CSMD1: variants seen among roughly 807,000 people sequenced by gnomAD.
CSMD1 encodes the protein CUB and Sushi multiple domains 1, also known as CUB and sushi domain-containing protein 1.
In CSMD1, 213 loss-of-function variants were observed where a neutral mutation model predicts 417.5. The observed-to-expected ratio is 0.51, with a 90% CI of 0.46 to 0.57. The LOEUF is 0.57. CSMD1 is among the 20% of genes least tolerant of loss of function. The pLI is 0.00. For missense variants in CSMD1, 6,923 were observed against 4,529.7 expected (o/e 1.53, Z -15.17); for synonymous variants, 2,862 against 1,736.8 (o/e 1.65, Z -16.11).
chr8:4,772,095 G>A (rs555197274), intron 1 of CSMD1, among the ~76,000 whole-genome samples: 4 of 152,102 alleles, frequency 2.6e-5, no homozygotes, highest in Non-Finnish European at 5.9e-5. Context: ...CAGGCTTGAC[G>A]GGGAATAGGC....
intron 38 of CSMD1, 73 bp from the exon 39 acceptor site, chr8:3,158,039 A>T (rs1050073886): frequency 8.4e-7 from 1 of 1,196,192 alleles, no homozygotes; most frequent in African/African-American, 1.5e-5. Context: ...GTTTGAGAAT[A>T]TCTGCATTTT....
intron 68 of CSMD1, among the ~76,000 whole-genome samples, chr8:2,948,407 T>C (rs1038865414): frequency 6.6e-6 from 1 of 152,038 alleles, no homozygotes; most frequent in Non-Finnish European, 1.5e-5. Flanking sequence ...ATGTTCCTCC[T>C]TTAATCACTA....
At chr8:3,975,456 G>T (rs923569852) in intron 5 of CSMD1, among the ~76,000 whole-genome samples, 1 of 152,004 alleles carries the variant, frequency 6.6e-6, no homozygotes, top group African/African-American at 2.4e-5. Context: ...ATTAGAAAAT[G>T]CACTAATACA....
intron 21 of CSMD1, among the ~76,000 whole-genome samples, chr8:3,355,308 T>C (rs764393298): frequency 6.6e-5 from 10 of 152,192 alleles, no homozygotes; most frequent in South Asian, 6.2e-4. Context: ...AATGATGTCA[T>C]AGATGCAATA....
chr8:3,139,325 G>A (rs913494544), intron 41 of CSMD1, among the ~76,000 whole-genome samples: 5 of 152,098 alleles, frequency 3.3e-5, no homozygotes, highest in African/African-American at 1.2e-4. Context: ...GCTAAAGTCA[G>A]TTAGAAGTGG....
At chr8:3,242,793 GAAA>G (rs1799628547) in intron 26 of CSMD1, among the ~76,000 whole-genome samples, 10 of 147,592 alleles carry the variant, frequency 6.8e-5, no homozygotes, top group African/African-American at 2.0e-4. Context: ...AGACAAGCGG[GAAA>G]GGGGTTGGGG....
intron 1 of CSMD1, among the ~76,000 whole-genome samples, chr8:4,793,192 A>T (rs755756965): frequency 4.6e-5 from 7 of 152,130 alleles, no homozygotes; most frequent in Admixed American, 1.3e-4. Flanking sequence ...AATTATGAGT[A>T]AATAAAAATT....
intron 10 of CSMD1, among the ~76,000 whole-genome samples, chr8:3,528,856 G>A (rs1015687537): frequency 6.6e-6 from 1 of 152,106 alleles, no homozygotes; most frequent in African/African-American, 2.4e-5. Flanking sequence ...CCAACTAAAT[G>A]AGTTTTAATA....
chr8:3,496,845 T>C lies in CSMD1; in HGVS notation c.1345-3119A>G, dbSNP rs758843805. Among the ~76,000 whole-genome samples, 4 of 152,290 alleles carry C rather than the reference T, an allele frequency of 2.6e-5. No homozygotes were observed. In the South Asian group the frequency reaches 6.2e-4, roughly 24 times the overall value. ...ACTCCGTCTCAAAAAAAAAATTATG[T>C]TTAAATTTTGTTCTTAATTTCTTTA... On this transcript the variant is annotated intron_variant, in intron 10 of 69. Coordinates refer to ENST00000635120, the MANE Select transcript of CSMD1 (RefSeq NM_033225.6).
At chr8:4,728,060 G>T (rs924999692) in intron 1 of CSMD1, among the ~76,000 whole-genome samples, 1 of 145,650 alleles carries the variant, frequency 6.9e-6, no homozygotes, top group Non-Finnish European at 1.5e-5. Context: ...TATATAGAGA[G>T]ATGTAGAATG....
intron 7 of CSMD1, among the ~76,000 whole-genome samples, chr8:3,690,680 A>C (rs1190651194): frequency 6.6e-6 from 1 of 152,190 alleles, no homozygotes; most frequent in Admixed American, 6.5e-5. Flanking sequence ...GAGTTGTAGG[A>C]AGGCTGAGAA....
chr8:4,482,658 G>A (rs144841634), intron 2 of CSMD1, among the ~76,000 whole-genome samples: 57 of 152,276 alleles, frequency 3.7e-4, no homozygotes, highest in African/African-American at 1.3e-3. Context: ...TTAGGTCTTT[G>A]AGGAGTTTCC....
chr8:3,587,929 A>G (rs1440287100), intron 8 of CSMD1, among the ~76,000 whole-genome samples: 1 of 152,150 alleles, frequency 6.6e-6, no homozygotes, highest in African/African-American at 2.4e-5. Flanking sequence ...CTAATTTGAA[A>G]TGTGAAAAAT....
At chr8:4,908,249 A>G (rs1012507576) in intron 1 of CSMD1, among the ~76,000 whole-genome samples, 7 of 152,194 alleles carry the variant, frequency 4.6e-5, no homozygotes, top group Non-Finnish European at 1.0e-4. Flanking sequence ...GCTATTCTGT[A>G]GGGTAAAGTA....
At chr8:4,019,800 C>A (rs1324919901) in intron 4 of CSMD1, among the ~76,000 whole-genome samples, 1 of 152,092 alleles carries the variant, frequency 6.6e-6, no homozygotes, top group Non-Finnish European at 1.5e-5. Flanking sequence ...TGACCCACTG[C>A]CACACAGGCC....
At chr8:3,278,651 C>T (rs1165551942) in intron 26 of CSMD1, 3 of 90,476 alleles carry the variant, frequency 3.3e-5, no homozygotes, top group Non-Finnish European at 7.4e-5. Flanking sequence ...GGTAAAGTTC[C>T]TCGTTTTTTT....
chr8:4,335,782 T>C (rs1800129808), intron 3 of CSMD1, among the ~76,000 whole-genome samples: 1 of 151,968 alleles, frequency 6.6e-6, no homozygotes, highest in Admixed American at 6.6e-5. Context: ...AAGAGGAACA[T>C]ACCACGTTAC....
Position 3,468,814 on chromosome 8 carries a change from A to G in CSMD1, c.1459T>C (p.Ser487Pro). ...CTCACAATGAGGTCAGGAACACTGG[A>G]TCCCGTGAGCCTGCAAGAAAGAGAA... is the stretch of plus-strand genomic sequence containing the variant. ...TRSVLYVLTG[S>P]SVPDLIVSMS... The change falls in exon 12 of 70, where the codon TCC (serine) becomes CCC (proline). Residue 487 changes from serine (S) to proline (P), a missense_variant. Physicochemically the swap from Ser to Pro is moderately conservative, Grantham distance 74. Transcript: ENST00000635120. 1.3e-6 allele frequency: 2 copies of G among 1,594,928 alleles called. No individual in the cohort carries two copies. The highest frequency in any genetic ancestry group is 8.5e-7 in the Non-Finnish European group (1 of 1,170,436).
At chr8:4,562,551 T>G (rs1270984844) in intron 2 of CSMD1, among the ~76,000 whole-genome samples, 2 of 152,146 alleles carry the variant, frequency 1.3e-5, no homozygotes, top group Non-Finnish European at 2.9e-5. Context: ...TAAGTATACA[T>G]GAAATGGAAC....
Sources: gnomAD v4.1 joint callset for allele counts (sites outside exome capture counted in the v4.1 genomes callset) on GRCh38, gnomAD v4.1.1 for gene constraint, MANE v1.5 for transcripts, NCBI Gene and HGNC (gene_info 2026-07-23, HGNC 2026-07-21) for gene names.